Variants in CYP4F3 observed in about 807,000 individuals in gnomAD.
CYP4F3 encodes the protein cytochrome P450 4F3.
In CYP4F3, 50 loss-of-function variants were observed where a neutral mutation model predicts 54.8. The ratio of observed to expected loss-of-function variants is 0.91; its 90% CI spans 0.73 to 1.16. The LOEUF is 1.16. Ranked by LOEUF, CYP4F3 falls within the 50% of genes most tolerant of loss-of-function variation. The pLI, the probability that CYP4F3 is intolerant of heterozygous loss-of-function variation, is 0.00. For missense variants in CYP4F3, 715 were observed against 676.2 expected, an observed-to-expected ratio of 1.06 and a Z score of -0.64; for synonymous variants, 244 against 262.6, an observed-to-expected ratio of 0.93 and a Z score of 0.69.
chr19:15,657,490 T>C (rs1973057725), intron 9 of CYP4F3, among the ~76,000 whole-genome samples: 1 of 152,114 alleles, frequency 6.6e-6, no homozygotes, highest in Non-Finnish European at 1.5e-5. Context: ...GGTTTCACCA[T>C]GTTGGCCAGG....
rs180837756 is a variant in CYP4F3, at chr19:15,644,163, C to T, written c.199-1556C>T. ...CAGTACTCTGGTCTCTCCTTTCCTT[C>T]TCTCTCAGCCATCTTCATCTTTCTT... On this transcript the variant is annotated intron_variant, in intron 2 of 12. Coordinates refer to ENST00000221307, the MANE Select transcript of CYP4F3 (RefSeq NM_000896.3). The T allele has an allele frequency of 1.5e-3, 1,873 of 1,286,456 alleles. 6 individuals are homozygous for T. Among genetic ancestry groups the T allele is most frequent in the South Asian group, 0.012 (695 of 58,358 alleles). The allele number at this position is 1,286,456 out of a possible 1,614,324, so 79.7% of individuals were successfully genotyped here. A position where few individuals can be genotyped will look rare whatever the true frequency, so the allele number is the denominator to read the frequency against.
intron 9 of CYP4F3, among the ~76,000 whole-genome samples, chr19:15,656,507 ATC>A (rs1973017851): frequency 1.4e-5 from 1 of 70,148 alleles, no homozygotes; most frequent in Non-Finnish European, 2.5e-5. Flanking sequence ...CTATCTATCT[ATC>A]TATCTATCTA....
chr19:15,653,417 C>A (rs1278158609), intron 9 of CYP4F3, among the ~76,000 whole-genome samples: 1 of 152,132 alleles, frequency 6.6e-6, no homozygotes, highest in Non-Finnish European at 1.5e-5. Flanking sequence ...CCTCGTTCAG[C>A]AAATACTCTC....
At chr19:15,643,814 G>A (rs968564512) in intron 2 of CYP4F3, 65 of 1,356,232 alleles carry the variant, frequency 4.8e-5, no homozygotes, top group South Asian at 1.0e-4. Flanking sequence ...CCTCACAGAC[G>A]GATGATCAAC....
chr19:15,649,260 G>C lies in CYP4F3; in HGVS notation c.626G>C (p.Ser209Thr), dbSNP rs1340682915. The change falls in exon 6 of 13, where the codon AGC becomes ACC. Residue 209 changes from serine (S) to threonine (T), a missense_variant. Physicochemically the swap from Ser to Thr is moderately conservative, Grantham distance 58. Coordinates refer to ENST00000221307, the MANE Select transcript of CYP4F3 (RefSeq NM_000896.3). The stretch of plus-strand genomic sequence containing the variant: ...GACAGTCTGCAGAAATGTGTCTTCA[G>C]CTTTGACAGCCATTGCCAGGAGTAA... ...TLDSLQKCVFSFDSHCQEKPS... is the reference protein window; with the variant it reads ...TLDSLQKCVFTFDSHCQEKPS... 1.2e-6 allele frequency: 2 copies of C among 1,613,150 alleles called. No homozygotes were observed. Among genetic ancestry groups the C allele is most frequent in the South Asian group, 2.2e-5 (2 of 91,070 alleles).
At chr19:15,647,169 T>C (rs901950491) in intron 4 of CYP4F3, 28 bp from the exon 5 acceptor site, 1 of 1,614,212 alleles carries the variant, frequency 6.2e-7, no homozygotes, top group Non-Finnish European at 8.5e-7. Context: ...GAGATGCCCT[T>C]GCCCATGGCC....
chr19:15,649,804 TG>T, intron 6 of CYP4F3, 108 bp from the exon 7 acceptor site: 1 of 1,480,106 alleles, frequency 6.8e-7, no homozygotes, highest in South Asian at 1.3e-5. Flanking sequence ...CATCTGTTCC[TG>T]GATACCCCGT....
At chr19:15,656,524 T>TGTATCTATCTATCTATCTATC (rs60912344) in intron 9 of CYP4F3, among the ~76,000 whole-genome samples, 2,263 of 70,618 alleles carry the variant, frequency 0.032, 48 homozygotes, top group Middle Eastern at 0.062. Context: ...TATCTATCTA[T>TGTATCTATCTATCTATCTATC]TTCTATCATC....
Position 15,658,742 on chromosome 19 carries a change from C to T in CYP4F3, c.1330C>T (p.Arg444Cys), listed in dbSNP as rs964959320. 2.5e-6 allele frequency: 4 copies of T among 1,614,024 alleles called. No homozygotes were observed. In the African/African-American group the frequency reaches 4.0e-5, roughly 16 times the overall value. Residue 444 changes from arginine to cysteine, a missense_variant, in exon 12 of 13, where the codon CGC becomes TGC. Physicochemically the swap from Arg to Cys is radical, Grantham distance 180. Coordinates refer to ENST00000221307, the MANE Select transcript of CYP4F3 (RefSeq NM_000896.3). Reference sequence around the variant, plus strand: ...TCGCCTCCAGGTCTATGACCCCTTTCGCTTTGACCCAAAGAACATCAAGGA... The same window carrying T: ...TCGCCTCCAGGTCTATGACCCCTTTTGCTTTGACCCAAAGAACATCAAGGA... ...WPDPEVYDPF[R>C]FDPKNIKERS...
intron 7 of CYP4F3, among the ~76,000 whole-genome samples, chr19:15,651,364 ATCTT>A (rs1972849995): frequency 9.8e-6 from 1 of 102,134 alleles, no homozygotes; most frequent in African/African-American, 3.8e-5. Flanking sequence ...CTATATCTAT[ATCTT>A]TGTCTTTTTT....
chr19:15,645,874 C>A lies in CYP4F3; in HGVS notation c.343+11C>A, dbSNP rs1972610774. 1 of 1,595,206 alleles carries A rather than the reference C, an allele frequency of 6.3e-7. No individual in the cohort carries two copies. The stretch of plus-strand genomic sequence containing the variant: ...TGCTCTTTGCTCCAGGTAGACACTG[C>A]ACTGGCCACTCCAGGTAGACACTGC... On this transcript the variant is annotated intron_variant, in intron 3 of 12. Transcript: ENST00000221307.
Position 15,658,252 on chromosome 19 carries a change from G to A in CYP4F3, c.1116-12G>A. Reference sequence around the variant, plus strand: ...TCCCTTGATAAGGATTGGGGCTGGGGTGTTTCCTTAGGGACGACCTGGCCC... The same window carrying A: ...TCCCTTGATAAGGATTGGGGCTGGGATGTTTCCTTAGGGACGACCTGGCCC... On this transcript the variant is annotated splice_polypyrimidine_tract_variant and intron_variant, in intron 9 of 12. Transcript: ENST00000221307. 6.2e-7 allele frequency: 1 copy of A among 1,613,856 alleles called. No homozygotes were observed. The highest frequency in any genetic ancestry group is 8.5e-7 in the Non-Finnish European group (1 of 1,179,894).
At chr19:15,658,998 T>C (rs1973114038) in intron 12 of CYP4F3, among the ~76,000 whole-genome samples, 189 bp downstream of exon 12, 1 of 150,638 alleles carries the variant, frequency 6.6e-6, no homozygotes, top group African/African-American at 2.5e-5. Context: ...CCTAGTGAGC[T>C]CAGAGCTCCC....
intron 9 of CYP4F3, among the ~76,000 whole-genome samples, chr19:15,653,688 G>C (rs545820823): frequency 4.2e-4 from 63 of 151,238 alleles, no homozygotes; most frequent in South Asian, 8.4e-4. Context: ...GAGCAGTGCT[G>C]TAGGTCAAGA....
chr19:15,649,238 A>T lies in CYP4F3; in HGVS notation c.604A>T (p.Ser202Cys). 1 of 1,613,342 alleles carries T rather than the reference A, an allele frequency of 6.2e-7. No homozygotes were observed. ...FEHISLMTLD[S>C]LQKCVFSFDS... ...GCACATCAGCCTCATGACCTTGGAC[A>T]GTCTGCAGAAATGTGTCTTCAGCTT... Residue 202 changes from serine (S) to cysteine (C), a missense_variant, in exon 6 of 13, where the codon AGT becomes TGT. Coordinates refer to ENST00000221307, the MANE Select transcript of CYP4F3 (RefSeq NM_000896.3).
chr19:15,649,353 C>A, intron 6 of CYP4F3, 72 bp downstream of exon 6: 7 of 1,606,600 alleles, frequency 4.4e-6, no homozygotes, highest in Non-Finnish European at 6.0e-6. Flanking sequence ...CTGGGGAGGA[C>A]TGAGCAGGGA....
At position 15,646,951 on chromosome 19, in the gene CYP4F3, G is replaced by C. The variant is rs551193662; in HGVS notation, c.344-101G>C. On this transcript the variant is annotated intron_variant, in intron 3 of 12. Transcript: ENST00000221307. The stretch of plus-strand genomic sequence containing the variant: ...ACCCTCTTCTTGCTATGTGGGGCTT[G>C]GAGGGAAGAAGTGCAAACCTCTTGC... 388 of 1,521,360 alleles carry C rather than the reference G, an allele frequency of 2.6e-4. No homozygotes were observed. The African/African-American group carries it at 4.7e-3, about 18-fold the overall frequency. 94.2% of individuals were successfully genotyped at this position (1,521,360 alleles called of 1,614,324 possible).
rs117143269 is a variant in CYP4F3 at position 15,649,316 on chromosome 19, G to C, written c.647+35G>C. 4 of 1,611,120 alleles carry C rather than the reference G, an allele frequency of 2.5e-6. No individual in the cohort carries two copies. The East Asian group carries it at 8.9e-5, about 36-fold the overall frequency. The stretch of plus-strand genomic sequence containing the variant: ...TGCCCAGGGTCTGGGATCCTGGGCC[G>C]TGGACACAAAGTTGGTAGGTGGGGG... On this transcript the variant is annotated intron_variant, in intron 6 of 12. Coordinates refer to ENST00000221307, the MANE Select transcript of CYP4F3 (RefSeq NM_000896.3).
chr19:15,658,833 C>G (rs541422646), intron 12 of CYP4F3, 24 bp downstream of exon 12: 1 of 1,610,138 alleles, frequency 6.2e-7, no homozygotes, highest in African/African-American at 1.3e-5. Flanking sequence ...GTGTTTGAGG[C>G]GGGGACGGGG....
Sources: gnomAD v4.1 joint callset for allele counts (sites outside exome capture counted in the v4.1 genomes callset) on GRCh38, gnomAD v4.1.1 for gene constraint, MANE v1.5 for transcripts, NCBI Gene and HGNC (gene_info 2026-07-23, HGNC 2026-07-21) for gene names.